Variants in TGS1 observed in about 807,000 individuals in gnomAD.
TGS1 encodes trimethylguanosine synthase.
TGS1 carries 69 observed loss-of-function variants against 92.2 expected under a neutral mutation model. That is an observed-to-expected ratio of 0.75 (90% CI 0.62 to 0.91). The LOEUF (loss-of-function observed/expected upper bound fraction) is 0.91, where lower values mean the gene tolerates loss of function less well. Ranked by LOEUF, TGS1 falls within the 40% of genes least tolerant of loss-of-function variation. The pLI is 0.00. For synonymous variants in TGS1, 345 were observed against 338.1 expected, an observed-to-expected ratio of 1.02 and a Z score of -0.22; for missense variants, 1,062 against 1,001.2, an observed-to-expected ratio of 1.06 and a Z score of -0.82.
chr8:55,798,856 G>C, intron 7 of TGS1, 58 bp from the exon 8 acceptor site: 1 of 1,366,006 alleles, frequency 7.3e-7, no homozygotes, highest in East Asian at 2.3e-5. Flanking sequence ...TAATAGGTAG[G>C]AAGATTCTGT....
intron 4 of TGS1, among the ~76,000 whole-genome samples, chr8:55,788,973 T>C (rs990225368): frequency 1.3e-5 from 2 of 152,198 alleles, no homozygotes; most frequent in African/African-American, 4.8e-5. Context: ...AGTCTCTGCC[T>C]TCTGTTGCTT....
intron 12 of TGS1, among the ~76,000 whole-genome samples, chr8:55,821,049 T>G (rs1283977108): frequency 6.6e-6 from 1 of 152,220 alleles, no homozygotes; most frequent in African/African-American, 2.4e-5. Flanking sequence ...AATTCTAACT[T>G]TTAACATATA....
chr8:55,787,712 C>G (rs1287985392), intron 4 of TGS1, among the ~76,000 whole-genome samples: 1 of 152,138 alleles, frequency 6.6e-6, no homozygotes, highest in Non-Finnish European at 1.5e-5. Flanking sequence ...CTTTGCATTG[C>G]TGTAAAGGAA....
At chr8:55,811,169 G>A (rs1803330276) in intron 11 of TGS1, 72 bp downstream of exon 11, 1 of 967,918 alleles carries the variant, frequency 1.0e-6, no homozygotes. Flanking sequence ...GAGTGAGAGA[G>A]GGAGTGTGGG....
Position 55,806,042 on chromosome 8 carries a change from G to A in TGS1, c.2143+1006G>A, listed in dbSNP as rs189093101. 3.1e-3 allele frequency among the ~76,000 whole-genome samples: 466 copies of A among 151,660 alleles called. 4 individuals are homozygous for A. The highest frequency in any genetic ancestry group is 1.0e-2 in the African/African-American group (413 of 41,354). The stretch of plus-strand genomic sequence containing the variant: ...CCACTGTGCTCTAGCTCGGGCAACA[G>A]AGTGAGACCTAGGCTCTTAAAAAAA... On this transcript the variant is annotated intron_variant, in intron 10 of 12. Coordinates refer to ENST00000260129, the MANE Select transcript of TGS1 (RefSeq NM_024831.8).
intron 8 of TGS1, among the ~76,000 whole-genome samples, chr8:55,799,875 G>T (rs1812174037): frequency 6.6e-6 from 1 of 152,084 alleles, no homozygotes; most frequent in South Asian, 2.1e-4. Context: ...TGCTCAGGCT[G>T]GTTTCCTTTT....
At position 55,799,012 on chromosome 8, in the gene TGS1, T is replaced by C. The variant is rs754765544; in HGVS notation, c.1641T>C (p.Ser547=). 9.3e-6 allele frequency: 15 copies of C among 1,614,058 alleles called. No individual in the cohort carries two copies. The highest frequency in any genetic ancestry group is 1.6e-4 in the Middle Eastern group (1 of 6,084). ...ATGTGCACGACGCTTCCACAAGTAG[T>C]GATTCAGAGGAACAAGACATGTCTG... ...HDNVHDASTS[S]DSEEQDMSVK... The change falls in exon 8 of 13, where the codon AGT becomes AGC. Residue 547 remains serine, a synonymous_variant. Transcript: ENST00000260129.
chr8:55,814,659 T>TTA (rs1554564710), intron 12 of TGS1, among the ~76,000 whole-genome samples: 1 of 116,158 alleles, frequency 8.6e-6, no homozygotes, highest in African/African-American at 3.5e-5. Context: ...CGTCTCTACT[T>TTA]AAAAAAAAAA....
intron 12 of TGS1, among the ~76,000 whole-genome samples, chr8:55,814,833 C>CT (rs201039560): frequency 0.065 from 9,270 of 141,558 alleles, 356 homozygotes; most frequent in African/African-American, 0.11. Flanking sequence ...GTGAGACTGT[C>CT]TAAAAAAAAA....
intron 10 of TGS1, among the ~76,000 whole-genome samples, chr8:55,808,225 C>T (rs938476915): frequency 6.6e-6 from 1 of 152,138 alleles, no homozygotes; most frequent in Non-Finnish European, 1.5e-5. Flanking sequence ...TTCATATTTA[C>T]GAGAGTAGTG....
At chr8:55,814,674 A>AAAAATATAT (rs1254531524) in intron 12 of TGS1, among the ~76,000 whole-genome samples, 12 of 123,348 alleles carry the variant, frequency 9.7e-5, no homozygotes, top group African/African-American at 4.3e-4. Flanking sequence ...AAAAAAAAAA[A>AAAAATATAT]ATATATATAT....
chr8:55,787,047 C>G lies in TGS1; in HGVS notation c.1149C>G (p.Asp383Glu). ...ACTCATCGGGGAATACAAACACAGA[C>G]CCACCAGCTGAGGGTAAGATTAACC... ...ESNSSGNTNT[D>E]PPAEDSQKSS... The change falls in exon 4 of 13, where the codon GAC becomes GAG. Residue 383 changes from aspartate (D) to glutamate (E), a missense_variant. Asp to Glu is a conservative substitution (Grantham distance 45). Coordinates refer to ENST00000260129, the MANE Select transcript of TGS1 (RefSeq NM_024831.8). The G allele has an allele frequency of 1.2e-6, 2 of 1,610,166 alleles. No individual in the cohort carries two copies. The highest frequency in any genetic ancestry group is 1.7e-6 in the Non-Finnish European group (2 of 1,178,056).
At chr8:55,785,610 A>G in intron 2 of TGS1, 109 bp from the exon 3 acceptor site, 1 of 723,174 alleles carries the variant, frequency 1.4e-6, no homozygotes, top group South Asian at 2.7e-5. Flanking sequence ...ACATTTGCAT[A>G]CCTTTATTTT....
chr8:55,789,007 T>C (rs1811800272), intron 4 of TGS1, among the ~76,000 whole-genome samples: 1 of 152,188 alleles, frequency 6.6e-6, no homozygotes, highest in Non-Finnish European at 1.5e-5. Context: ...CGTTTATAGA[T>C]TGTCCATTTC....
intron 11 of TGS1, among the ~76,000 whole-genome samples, chr8:55,811,914 G>A (rs893925914): frequency 4.6e-5 from 7 of 152,112 alleles, no homozygotes; most frequent in South Asian, 2.1e-4. Flanking sequence ...TCATATTTCC[G>A]TTGCTTGCTA....
In TGS1 at chr8:55,825,032, C is replaced by T. The variant is rs558002860; in HGVS notation, c.*329C>T. 400 of 198,196 alleles carry T rather than the reference C, an allele frequency of 2.0e-3. No individual in the cohort carries two copies. The highest frequency in any genetic ancestry group is 3.3e-3 in the Non-Finnish European group (317 of 97,238). The allele number at this position is 198,196 out of a possible 1,614,324, so 12.3% of individuals were successfully genotyped here. A position where few individuals can be genotyped will look rare whatever the true frequency, so the allele number is the denominator to read the frequency against. On this transcript the variant is annotated 3_prime_UTR_variant, in exon 13 of 13. Transcript: ENST00000260129. ...AGCCTTCTGAGTTCAAGCAATCCTT[C>T]TGTCTCAGTCTCCTCAGTAGCTGGG...
At chr8:55,787,153 A>T in intron 4 of TGS1, 93 bp downstream of exon 4, 1 of 812,354 alleles carries the variant, frequency 1.2e-6, no homozygotes, top group Non-Finnish European at 1.9e-6. Context: ...GTAGAGTTAA[A>T]TAATACCAAG....
intron 9 of TGS1, 82 bp from the exon 10 acceptor site, chr8:55,804,811 G>GT (rs1812318318): frequency 1.7e-6 from 2 of 1,166,330 alleles, no homozygotes; most frequent in Non-Finnish European, 2.4e-6. Flanking sequence ...AAGTATGTAA[G>GT]ATATAGTAAT....
intron 10 of TGS1, among the ~76,000 whole-genome samples, chr8:55,805,897 A>G (rs1301409608): frequency 3.6e-4 from 54 of 151,458 alleles, no homozygotes; most frequent in African/African-American, 1.2e-3. Flanking sequence ...AAAAAAAAAA[A>G]AAAAAAATTT....
Sources: allele counts gnomAD v4.1 joint callset (sites outside exome capture counted in the v4.1 genomes callset), GRCh38; gene constraint gnomAD v4.1.1; transcripts MANE v1.5; gene names NCBI Gene and HGNC (gene_info 2026-07-23, HGNC 2026-07-21).